Variants in CNGB3 observed in about 807,000 individuals in gnomAD.
CNGB3 encodes cyclic nucleotide gated channel subunit beta 3.
In CNGB3, 86 loss-of-function variants were observed where a neutral mutation model predicts 92.8. The ratio of observed to expected loss-of-function variants is 0.93; its 90% CI spans 0.78 to 1.11. The LOEUF (loss-of-function observed/expected upper bound fraction) is 1.11. CNGB3 is among the 50% of genes least tolerant of loss of function. CNGB3 has a pLI of 0.00. For synonymous variants in CNGB3, 333 were observed against 332.7 expected (o/e 1.00, Z -0.01); for missense variants, 1,026 against 956.8 (o/e 1.07, Z -0.95).
intron 3 of CNGB3, among the ~76,000 whole-genome samples, chr8:86,720,880 A>G (rs923138792): frequency 1.4e-5 from 2 of 139,912 alleles, no homozygotes; most frequent in Non-Finnish European, 1.5e-5. Context: ...ACACACACAC[A>G]CACAATGGAA....
intron 15 of CNGB3, among the ~76,000 whole-genome samples, chr8:86,596,551 T>G (rs980442589): frequency 6.6e-6 from 1 of 152,162 alleles, no homozygotes; most frequent in African/African-American, 2.4e-5. Flanking sequence ...AGAAAGATAA[T>G]TACATTCACT....
intron 17 of CNGB3, among the ~76,000 whole-genome samples, chr8:86,578,351 G>A (rs1821697676): frequency 6.6e-6 from 1 of 152,108 alleles, no homozygotes; most frequent in Admixed American, 6.5e-5. Context: ...GACCACAAAA[G>A]CACCATGAGT....
At chr8:86,635,821 G>GAT (rs57486853) in intron 10 of CNGB3, among the ~76,000 whole-genome samples, 980 of 60,324 alleles carry the variant, frequency 0.016, 10 homozygotes, top group African/African-American at 0.024. Flanking sequence ...TATAACACAT[G>GAT]ATATATATAT....
Position 86,633,798 on chromosome 8 carries a change from A to G in CNGB3, c.1179-905T>C, listed in dbSNP as rs547208654. On this transcript the variant is annotated intron_variant, in intron 10 of 17. Transcript: ENST00000320005. Reference sequence around the variant, plus strand: ...GAGAATCTTCTATAGTTTAGATCCAATTGTTTTTACTAGTGGAAAACAGAA... The same window carrying G: ...GAGAATCTTCTATAGTTTAGATCCAGTTGTTTTTACTAGTGGAAAACAGAA... Among the ~76,000 whole-genome samples the G allele has an allele frequency of 1.3e-5, 2 of 152,336 alleles. 1 individual carries two copies. Among genetic ancestry groups the G allele is most frequent in the South Asian group, 4.1e-4 (2 of 4,832 alleles).
chr8:86,721,142 T>G (rs976262193), intron 3 of CNGB3, among the ~76,000 whole-genome samples: 8 of 151,828 alleles, frequency 5.3e-5, no homozygotes, highest in Admixed American at 3.3e-4. Context: ...ATTTTTGTAT[T>G]TTTAGTAGAG....
In CNGB3 at chr8:86,600,203, G is replaced by A. The variant is rs553858538; in HGVS notation, c.1781+3890C>T. Among the ~76,000 whole-genome samples the A allele has an allele frequency of 1.1e-4, 17 of 152,284 alleles. No homozygotes were observed. In the South Asian group the frequency reaches 3.5e-3, roughly 32 times the overall value. ...AATTGCCAGATCCAAAGGATGCACTGGTCCTTGTGAAAACTTTGTCCCCAA... is the reference window on the plus strand; with the variant it reads ...AATTGCCAGATCCAAAGGATGCACTAGTCCTTGTGAAAACTTTGTCCCCAA... On this transcript the variant is annotated intron_variant, in intron 15 of 17. Coordinates refer to ENST00000320005, the MANE Select transcript of CNGB3 (RefSeq NM_019098.5).
chr8:86,641,328 C>T (rs928016550), intron 10 of CNGB3, among the ~76,000 whole-genome samples: 1 of 152,028 alleles, frequency 6.6e-6, no homozygotes, highest in African/African-American at 2.4e-5. Flanking sequence ...GTATTCTAAG[C>T]AGTCCATGCC....
At chr8:86,612,884 AAC>A (rs1822548504) in intron 13 of CNGB3, among the ~76,000 whole-genome samples, 1 of 152,230 alleles carries the variant, frequency 6.6e-6, no homozygotes, top group South Asian at 2.1e-4. Flanking sequence ...TTTGTATGAT[AAC>A]CTTGGAGGAA....
intron 15 of CNGB3, among the ~76,000 whole-genome samples, chr8:86,597,326 C>T (rs1036090180): frequency 4.5e-4 from 69 of 152,128 alleles, no homozygotes; most frequent in African/African-American, 1.2e-3. Flanking sequence ...TCCTGCCCTC[C>T]CGGTTCCTCT....
At chr8:86,672,528 C>T (rs576856428) in intron 3 of CNGB3, among the ~76,000 whole-genome samples, 6 of 152,294 alleles carry the variant, frequency 3.9e-5, no homozygotes, top group Admixed American at 2.0e-4. Context: ...TATCTTCCTT[C>T]CAATGTCTGA....
chr8:86,681,386 A>G lies in CNGB3; in HGVS notation c.339-10288T>C, dbSNP rs561042513. ...AGAGAATGAGTTGAAGAATTCTCCC[A>G]GAGTGTAGCACAGGACAACAGGTGT... On this transcript the variant is annotated intron_variant, in intron 3 of 17. Coordinates refer to ENST00000320005, the MANE Select transcript of CNGB3 (RefSeq NM_019098.5). Among the ~76,000 whole-genome samples the G allele has an allele frequency of 3.9e-5, 6 of 152,350 alleles. No individual in the cohort carries two copies. In the South Asian group the frequency reaches 1.2e-3, roughly 32 times the overall value.
At chr8:86,698,480 GA>G (rs1467460205) in intron 3 of CNGB3, among the ~76,000 whole-genome samples, 1 of 152,154 alleles carries the variant, frequency 6.6e-6, no homozygotes, top group Non-Finnish European at 1.5e-5. Flanking sequence ...ATCGCCTATG[GA>G]ATTTGATTCC....
rs191909249 is a variant in CNGB3, at chr8:86,661,684, T to G, written c.852+5241A>C. 122 of 1,077,028 alleles carry G rather than the reference T, an allele frequency of 1.1e-4. 2 individuals carry two copies. The Admixed American group carries it at 2.1e-3, about 19-fold the overall frequency. 66.7% of individuals were successfully genotyped at this position (1,077,028 alleles called of 1,614,324 possible). Reference sequence around the variant, plus strand: ...CTCCAGCCATCTCTTCTTCCTCTTCTTCTGAAGTCACTTCTATTTTCCCAT... The same window carrying G: ...CTCCAGCCATCTCTTCTTCCTCTTCGTCTGAAGTCACTTCTATTTTCCCAT... On this transcript the variant is annotated intron_variant, in intron 6 of 17. Transcript: ENST00000320005.
chr8:86,654,072 AT>A lies in CNGB3; in HGVS notation c.853-11del. 1 of 1,561,056 alleles carries A rather than the reference AT, an allele frequency of 6.4e-7. No individual in the cohort carries two copies. The highest frequency in any genetic ancestry group is 1.7e-4 in the Middle Eastern group (1 of 5,962). ...GCTCATTTGAATCCACCTGAAAGAT[AT>A]TTGTATTTTCATTAATTTTAGCCAA... On this transcript the variant is annotated splice_polypyrimidine_tract_variant and intron_variant, in intron 6 of 17. Transcript: ENST00000320005.
chr8:86,600,907 G>A (rs1364806580), intron 15 of CNGB3, among the ~76,000 whole-genome samples: 1 of 150,106 alleles, frequency 6.7e-6, no homozygotes, highest in African/African-American at 2.5e-5. Flanking sequence ...TGGGATTACA[G>A]GCGTGAGCCA....
intron 3 of CNGB3, among the ~76,000 whole-genome samples, chr8:86,693,432 A>ATTAT (rs1554615923): frequency 3.6e-4 from 50 of 138,092 alleles, no homozygotes; most frequent in Admixed American, 1.5e-3. Flanking sequence ...TATTATTATT[A>ATTAT]TTATTTATTT....
rs760845597 is a variant in CNGB3 at position 86,578,851 on chromosome 8, C to T, written c.1941G>A (p.Lys647=). Reference sequence around the variant, plus strand: ...TTGCTTCTGCGGTCTTAGCCTTCTGCTTTAAAAGCACTCTGTGGGTAAGAG... The same window carrying T: ...TTGCTTCTGCGGTCTTAGCCTTCTGTTTTAAAAGCACTCTGTGGGTAAGAG... ...ILMKKARVLL[K]QKAKTAEATP... Residue 647 remains lysine (K), a synonymous_variant, in exon 17 of 18, where the codon AAG becomes AAA. Transcript: ENST00000320005. 1.9e-6 allele frequency: 3 copies of T among 1,614,016 alleles called. No individual in the cohort carries two copies. Among genetic ancestry groups the T allele is most frequent in the African/African-American group, 1.3e-5 (1 of 74,900 alleles).
chr8:86,726,394 C>G (rs1335656847), intron 3 of CNGB3, 137 bp downstream of exon 3: 2 of 1,218,936 alleles, frequency 1.6e-6, no homozygotes, highest in Non-Finnish European at 2.4e-6. Context: ...AGTTCTGACA[C>G]AGTTTTTTTG....
chr8:86,588,303 C>T (rs57849314), intron 15 of CNGB3, among the ~76,000 whole-genome samples: 3,383 of 138,518 alleles, frequency 0.024, 69 homozygotes, highest in East Asian at 0.065. Context: ...ATTTGACTTC[C>T]TCTTTTCCTA....
Sources: allele counts gnomAD v4.1 joint callset (sites outside exome capture counted in the v4.1 genomes callset), GRCh38; gene constraint gnomAD v4.1.1; transcripts MANE v1.5; gene names NCBI Gene and HGNC (gene_info 2026-07-23, HGNC 2026-07-21).